The following GOLM2 variants were observed in gnomAD, a reference collection of about 807,000 sequenced individuals.
GOLM2 encodes golgi membrane protein 2.
In GOLM2, 26 loss-of-function variants were observed where a neutral mutation model predicts 55.9. That is an observed-to-expected ratio of 0.47 (90% CI 0.34 to 0.65). GOLM2 has a LOEUF of 0.65. Among genes scored for constraint, GOLM2 ranks in the 30% least tolerant of loss-of-function variants. The probability of loss-of-function intolerance (pLI) is 0.01; values close to 1 mark genes in which losing one functional copy is unlikely to be tolerated. For synonymous variants in GOLM2, 165 were observed against 194.6 expected, an observed-to-expected ratio of 0.85 and a Z score of 1.27; for missense variants, 486 against 531.8, an observed-to-expected ratio of 0.91 and a Z score of 0.85.
chr15:44,321,892 A>C (rs1415555225), intron 1 of GOLM2, among the ~76,000 whole-genome samples: 2 of 151,936 alleles, frequency 1.3e-5, no homozygotes, highest in Non-Finnish European at 2.9e-5. Context: ...TCTCTGCAAA[A>C]AAATATATTT....
intron 9 of GOLM2, among the ~76,000 whole-genome samples, chr15:44,412,303 A>T (rs1438763620): frequency 6.6e-6 from 1 of 152,246 alleles, no homozygotes. Flanking sequence ...ATCACAACTC[A>T]TAGCCAAGAA....
chr15:44,296,373 A>G (rs1223214554), intron 1 of GOLM2, among the ~76,000 whole-genome samples: 5 of 152,188 alleles, frequency 3.3e-5, no homozygotes, highest in Non-Finnish European at 7.3e-5. Flanking sequence ...ACATACACAC[A>G]CATCAGTTTT....
At chr15:44,302,267 C>T (rs1204529689) in intron 1 of GOLM2, among the ~76,000 whole-genome samples, 3 of 151,206 alleles carry the variant, frequency 2.0e-5, no homozygotes, top group Non-Finnish European at 2.9e-5. Context: ...GCCTCAGCCT[C>T]CCAAGTAGCT....
chr15:44,345,335 C>G (rs1456594757), intron 6 of GOLM2, among the ~76,000 whole-genome samples: 1 of 150,896 alleles, frequency 6.6e-6, no homozygotes, highest in Non-Finnish European at 1.5e-5. Flanking sequence ...TGCAGTGGCA[C>G]GATCTCGGCT....
Position 44,413,549 on chromosome 15 carries a change from G to A in GOLM2, c.*143G>A, listed in dbSNP as rs1245561177. On this transcript the variant is annotated 3_prime_UTR_variant, in exon 10 of 10. Coordinates refer to ENST00000299957, the MANE Select transcript of GOLM2 (RefSeq NM_138423.4). ...AGAATTAAGGAAAAACTTTAATGAAGGAATGTACCCATGTACATATGTGAA... is the reference window on the plus strand; with the variant it reads ...AGAATTAAGGAAAAACTTTAATGAAAGAATGTACCCATGTACATATGTGAA... 1.8e-5 allele frequency: 11 copies of A among 611,150 alleles called. No homozygotes were observed. The highest frequency in any genetic ancestry group is 3.2e-5 in the Non-Finnish European group (11 of 346,258). The allele number at this position is 611,150 out of a possible 1,614,324, so 37.9% of individuals were successfully genotyped here. A position where few individuals can be genotyped will look rare whatever the true frequency, so the allele number is the denominator to read the frequency against.
At chr15:44,382,793 C>G (rs1400651076) in intron 8 of GOLM2, among the ~76,000 whole-genome samples, 3 of 151,508 alleles carry the variant, frequency 2.0e-5, no homozygotes, top group Non-Finnish European at 1.5e-5. Context: ...CATGGTGGTA[C>G]ACAACTGTAG....
chr15:44,385,469 T>C (rs1251444394), intron 8 of GOLM2, among the ~76,000 whole-genome samples: 1 of 151,936 alleles, frequency 6.6e-6, no homozygotes, highest in Non-Finnish European at 1.5e-5. Context: ...ACTAATGACA[T>C]TGAGCACCTT....
chr15:44,393,606 T>C (rs2141205384), intron 8 of GOLM2, among the ~76,000 whole-genome samples: 1 of 152,298 alleles, frequency 6.6e-6, no homozygotes, highest in South Asian at 2.1e-4. Context: ...TTTATTATAA[T>C]GCTCTTTTTT....
intron 6 of GOLM2, among the ~76,000 whole-genome samples, chr15:44,353,804 A>T (rs1429119682): frequency 6.6e-6 from 1 of 152,176 alleles, no homozygotes; most frequent in Non-Finnish European, 1.5e-5. Flanking sequence ...GGGAAGGGTA[A>T]GGGGGAAGTG....
rs138666328 is a variant in GOLM2, at chr15:44,351,394, G to A, written c.802+13077G>A. 6.2e-3 allele frequency among the ~76,000 whole-genome samples: 939 copies of A among 151,958 alleles called. 8 individuals are homozygous for A. Among genetic ancestry groups the A allele is most frequent in the Non-Finnish European group, 0.01 (692 of 67,974 alleles). On this transcript the variant is annotated intron_variant, in intron 6 of 9. Coordinates refer to ENST00000299957, the MANE Select transcript of GOLM2 (RefSeq NM_138423.4). ...GATAGAGACCATCCTGGCTAACATG[G>A]TGAAGCCCCGTCTCTACTAAAAATA...
At chr15:44,310,381 A>C (rs897398983) in intron 1 of GOLM2, among the ~76,000 whole-genome samples, 4 of 148,092 alleles carry the variant, frequency 2.7e-5, no homozygotes, top group African/African-American at 7.5e-5. Flanking sequence ...CAAGGCGGGA[A>C]TCTCTCTGAG....
chr15:44,383,474 T>C (rs1489270271), intron 8 of GOLM2, among the ~76,000 whole-genome samples: 1 of 152,044 alleles, frequency 6.6e-6, no homozygotes, highest in Non-Finnish European at 1.5e-5. Flanking sequence ...ATTTTTATCG[T>C]TTTTATAAGG....
chr15:44,298,424 C>T (rs941053134), intron 1 of GOLM2, among the ~76,000 whole-genome samples: 7 of 149,646 alleles, frequency 4.7e-5, no homozygotes, highest in Admixed American at 2.0e-4. Flanking sequence ...CCACCATGGC[C>T]GGCTAATTTT....
intron 6 of GOLM2, among the ~76,000 whole-genome samples, chr15:44,341,764 T>C (rs1475255125): frequency 1.3e-5 from 2 of 150,948 alleles, no homozygotes; most frequent in Non-Finnish European, 3.0e-5. Flanking sequence ...TCGTGCGATC[T>C]TGGCTCACTG....
intron 1 of GOLM2, among the ~76,000 whole-genome samples, chr15:44,311,712 C>T (rs1461253400): frequency 2.0e-5 from 3 of 152,190 alleles, no homozygotes; most frequent in South Asian, 2.1e-4. Context: ...TGCAATGGCA[C>T]GATCTTGGCT....
intron 8 of GOLM2, among the ~76,000 whole-genome samples, chr15:44,397,478 C>CAAAAAAAAAAAAAAAAAA (rs1007948393): frequency 9.2e-5 from 3 of 32,564 alleles, no homozygotes; most frequent in Non-Finnish European, 1.7e-4. Flanking sequence ...GACTCCGTCT[C>CAAAAAAAAAAAAAAAAAA]AAAAAAAAAA....
chr15:44,312,638 C>A (rs999817153), intron 1 of GOLM2, among the ~76,000 whole-genome samples: 1 of 152,120 alleles, frequency 6.6e-6, no homozygotes, highest in Non-Finnish European at 1.5e-5. Context: ...TATGCTTGCT[C>A]CTCAGCATTT....
chr15:44,341,489 T>G (rs892946490), intron 6 of GOLM2, among the ~76,000 whole-genome samples: 12 of 152,076 alleles, frequency 7.9e-5, no homozygotes, highest in Non-Finnish European at 1.3e-4. Flanking sequence ...ACCAGGAAAT[T>G]CCAGTGTTTA....
At chr15:44,338,412 G>A (rs2079071369) in intron 6 of GOLM2, 95 bp downstream of exon 6, 1 of 854,284 alleles carries the variant, frequency 1.2e-6, no homozygotes, top group Non-Finnish European at 1.8e-6. Flanking sequence ...AAAAGTCACA[G>A]ATATCTGGAT....
Sources: gnomAD v4.1 joint callset for allele counts (sites outside exome capture counted in the v4.1 genomes callset) on GRCh38, gnomAD v4.1.1 for gene constraint, MANE v1.5 for transcripts, NCBI Gene and HGNC (gene_info 2026-07-23, HGNC 2026-07-21) for gene names.